The following PTPRD variants were observed in gnomAD, a reference collection of about 807,000 sequenced individuals.
The protein encoded by PTPRD is protein tyrosine phosphatase receptor type D.
Under a neutral mutation model 214.5 loss-of-function variants are expected in PTPRD, and 34 were observed. The observed-to-expected ratio is 0.16, with a 90% CI of 0.12 to 0.21. The LOEUF (loss-of-function observed/expected upper bound fraction) is 0.21, where lower values mean the gene tolerates loss of function less well. Ranked by LOEUF, PTPRD falls within the 10% of genes least tolerant of loss-of-function variation. The pLI is 1.00. For synonymous variants in PTPRD, 1,128 were observed against 845.7 expected (o/e 1.33, Z -5.79); for missense variants, 2,545 against 2,398.7 (o/e 1.06, Z -1.27).
Position 10,539,388 on chromosome 9 carries a change from T to C in PTPRD, c.-600+73010A>G, listed in dbSNP as rs190069695. 7.8e-3 allele frequency among the ~76,000 whole-genome samples: 1,181 copies of C among 152,290 alleles called. 10 individuals are homozygous for C. Among genetic ancestry groups the C allele is most frequent in the Non-Finnish European group, 0.012 (848 of 68,026 alleles). Reference sequence around the variant, plus strand: ...TTAGTAGAGACGGTTTTTTGCCACGTTGGCCAGGCTGGTCTCAAACTCCTG... The same window carrying C: ...TTAGTAGAGACGGTTTTTTGCCACGCTGGCCAGGCTGGTCTCAAACTCCTG... On this transcript the variant is annotated intron_variant, in intron 2 of 45. Transcript: ENST00000381196.
chr9:8,977,917 C>G (rs185547099), intron 11 of PTPRD, among the ~76,000 whole-genome samples: 31 of 152,196 alleles, frequency 2.0e-4, no homozygotes, highest in Admixed American at 2.0e-3. Context: ...AAAATACTCT[C>G]AGTTACAAAT....
At chr9:10,355,825 G>A (rs762274588) in intron 2 of PTPRD, among the ~76,000 whole-genome samples, 1 of 151,994 alleles carries the variant, frequency 6.6e-6, no homozygotes. Context: ...CATAGAGTAT[G>A]AAAGAAACAC....
intron 3 of PTPRD, among the ~76,000 whole-genome samples, chr9:10,156,468 T>C (rs1201788566): frequency 3.3e-5 from 5 of 152,186 alleles, no homozygotes; most frequent in African/African-American, 1.2e-4. Flanking sequence ...TAGTCTTGAT[T>C]TCTAATTTTA....
At chr9:9,465,920 A>C (rs186708382) in intron 8 of PTPRD, among the ~76,000 whole-genome samples, 22 of 151,356 alleles carry the variant, frequency 1.5e-4, no homozygotes, top group African/African-American at 5.3e-4. Context: ...ATTGCAATAC[A>C]TATCAGCCAC....
chr9:9,086,891 T>C (rs1203556114), intron 10 of PTPRD, among the ~76,000 whole-genome samples: 5 of 152,060 alleles, frequency 3.3e-5, no homozygotes, highest in African/African-American at 9.7e-5. Flanking sequence ...AAAGGAATGA[T>C]AGTGTGTAGG....
chr9:10,029,650 C>T (rs2097014626), intron 4 of PTPRD, among the ~76,000 whole-genome samples: 1 of 152,166 alleles, frequency 6.6e-6, no homozygotes, highest in Admixed American at 6.5e-5. Flanking sequence ...TCCCCAGTGC[C>T]TGTATCCCTA....
intron 3 of PTPRD, among the ~76,000 whole-genome samples, chr9:10,057,573 G>A (rs1432818916): frequency 6.6e-6 from 1 of 151,968 alleles, no homozygotes; most frequent in Non-Finnish European, 1.5e-5. Flanking sequence ...AAGGTAAGTA[G>A]TGTGGCTCAC....
chr9:10,018,482 T>C (rs1388178371), intron 4 of PTPRD, among the ~76,000 whole-genome samples: 2 of 151,640 alleles, frequency 1.3e-5, no homozygotes, highest in South Asian at 4.2e-4. Context: ...TTTAAAAATA[T>C]TTGTTCTCAA....
intron 12 of PTPRD, among the ~76,000 whole-genome samples, chr9:8,704,119 G>A (rs1218824003): frequency 6.6e-6 from 1 of 152,062 alleles, no homozygotes; most frequent in African/African-American, 2.4e-5. Flanking sequence ...AAGAGTAGGG[G>A]CCAGCATTCT....
At chr9:9,194,393 C>G (rs923031832) in intron 9 of PTPRD, among the ~76,000 whole-genome samples, 1 of 152,086 alleles carries the variant, frequency 6.6e-6, no homozygotes, top group African/African-American at 2.4e-5. Flanking sequence ...CAATTATGTA[C>G]TGTACATAAT....
chr9:8,441,700 G>C (rs939144119), intron 34 of PTPRD, among the ~76,000 whole-genome samples: 1 of 152,096 alleles, frequency 6.6e-6, no homozygotes, highest in East Asian at 1.9e-4. Context: ...TTCTTGCATG[G>C]TTCATCCCCT....
intron 9 of PTPRD, among the ~76,000 whole-genome samples, chr9:9,252,601 C>T (rs1232716188): frequency 1.3e-5 from 2 of 151,992 alleles, no homozygotes; most frequent in African/African-American, 4.8e-5. Context: ...CTTGCCTCAG[C>T]CTCCCAAGTA....
intron 9 of PTPRD, among the ~76,000 whole-genome samples, chr9:9,249,514 A>G (rs2099974558): frequency 6.6e-6 from 1 of 152,064 alleles, no homozygotes; most frequent in South Asian, 2.1e-4. Context: ...ATGTCTGCTT[A>G]TTATACCTCA....
At chr9:10,530,221 T>A (rs1444051325) in intron 2 of PTPRD, among the ~76,000 whole-genome samples, 1 of 152,032 alleles carries the variant, frequency 6.6e-6, no homozygotes, top group African/African-American at 2.4e-5. Context: ...GATATTAGAC[T>A]CAAACTTAAT....
intron 5 of PTPRD, among the ~76,000 whole-genome samples, chr9:9,815,787 C>T (rs2048569182): frequency 6.6e-6 from 1 of 152,060 alleles, no homozygotes; most frequent in African/African-American, 2.4e-5. Context: ...GTCAAAGAGT[C>T]CAGACTTATA....
chr9:9,179,228 T>C (rs535611849), intron 10 of PTPRD, among the ~76,000 whole-genome samples: 2 of 152,284 alleles, frequency 1.3e-5, no homozygotes, highest in African/African-American at 4.8e-5. Flanking sequence ...CTGGTTCTTA[T>C]ATTAAAACAT....
chr9:9,371,263 G>A (rs753777194), intron 9 of PTPRD, among the ~76,000 whole-genome samples: 1 of 152,106 alleles, frequency 6.6e-6, no homozygotes, highest in African/African-American at 2.4e-5. Flanking sequence ...TGGTTGGTAA[G>A]GTATTAATTA....
chr9:9,506,424 A>G (rs761202070), intron 8 of PTPRD, among the ~76,000 whole-genome samples: 2 of 151,442 alleles, frequency 1.3e-5, no homozygotes, highest in Non-Finnish European at 3.0e-5. Flanking sequence ...GATTAGTTCC[A>G]GTGAGATGGG....
In PTPRD at chr9:8,331,756, T is replaced by C. The variant is rs1453449829; in HGVS notation, c.5380-20A>G. The C allele has an allele frequency of 3.2e-6, 5 of 1,555,412 alleles. No homozygotes were observed. Among genetic ancestry groups the C allele is most frequent in the African/African-American group, 2.8e-5 (2 of 72,604 alleles). The stretch of plus-strand genomic sequence containing the variant: ...GCCGTCCTTTAGAAGGAAAGCCACA[T>C]ACCCGGCCGCAAAGGAAGACGCCAG... On this transcript the variant is annotated intron_variant, in intron 43 of 45. Coordinates refer to ENST00000381196, the MANE Select transcript of PTPRD (RefSeq NM_002839.4).
Sources: allele counts gnomAD v4.1 joint callset (sites outside exome capture counted in the v4.1 genomes callset), GRCh38; gene constraint gnomAD v4.1.1; transcripts MANE v1.5; gene names NCBI Gene and HGNC (gene_info 2026-07-23, HGNC 2026-07-21).